KLHL31: variants seen among roughly 807,000 people sequenced by gnomAD.
KLHL31 encodes the protein kelch like family member 31.
In KLHL31, 32 loss-of-function variants were observed where a neutral mutation model predicts 47.1. The observed-to-expected ratio is 0.68, with a 90% CI of 0.51 to 0.91. The LOEUF is 0.91. KLHL31 is among the 40% of genes least tolerant of loss of function. KLHL31 has a pLI of 0.00. For missense variants in KLHL31, 797 were observed against 819.3 expected, an observed-to-expected ratio of 0.97 and a Z score of 0.33; for synonymous variants, 330 against 325.1, an observed-to-expected ratio of 1.01 and a Z score of -0.16.
intron 1 of KLHL31, 21 bp from the exon 2 acceptor site, chr6:53,655,326 A>AAAAAAAG (rs112169209): frequency 8.4e-7 from 1 of 1,190,276 alleles, no homozygotes. Context: ...AAAAAAAAAA[A>AAAAAAAG]CATGGTTTTG....
intron 1 of KLHL31, among the ~76,000 whole-genome samples, chr6:53,663,344 G>A (rs113166202): frequency 4.5e-4 from 69 of 152,286 alleles, no homozygotes; most frequent in African/African-American, 1.4e-3. Flanking sequence ...GAATAAAAGA[G>A]TTACCTTTTT....
At chr6:53,657,054 T>C (rs553592006) in intron 1 of KLHL31, among the ~76,000 whole-genome samples, 78 of 146,874 alleles carry the variant, frequency 5.3e-4, no homozygotes, top group Non-Finnish European at 9.3e-4. Flanking sequence ...CACCTCAGCC[T>C]CCTGAATAGC....
At chr6:53,657,610 T>TG (rs1762823557) in intron 1 of KLHL31, among the ~76,000 whole-genome samples, 1 of 138,722 alleles carries the variant, frequency 7.2e-6, no homozygotes, top group Non-Finnish European at 1.5e-5. Context: ...TGTTTTTGTT[T>TG]TGTGTGTGTG....
At chr6:53,663,109 T>C (rs1764670601) in intron 1 of KLHL31, among the ~76,000 whole-genome samples, 1 of 152,120 alleles carries the variant, frequency 6.6e-6, no homozygotes, top group South Asian at 2.1e-4. Flanking sequence ...CAATATCACA[T>C]AAGTAAGTGT....
chr6:53,664,430 A>G (rs1764690451), intron 1 of KLHL31, among the ~76,000 whole-genome samples: 1 of 152,238 alleles, frequency 6.6e-6, no homozygotes, highest in African/African-American at 2.4e-5. Context: ...CACTGGGCTC[A>G]GCGTTTTCAT....
At chr6:53,652,823 T>C (rs1764497004) in intron 2 of KLHL31, among the ~76,000 whole-genome samples, 1 of 152,196 alleles carries the variant, frequency 6.6e-6, no homozygotes, top group African/African-American at 2.4e-5. Context: ...ACGAATTGAC[T>C]GACTGGATTT....
intron 1 of KLHL31, among the ~76,000 whole-genome samples, chr6:53,662,221 T>A (rs79359022): frequency 6.6e-6 from 1 of 152,306 alleles, no homozygotes; most frequent in South Asian, 2.1e-4. Flanking sequence ...TTTTCCTAAA[T>A]GACAGCAGGC....
rs547744939 is a variant in KLHL31, at chr6:53,654,409, G to A, written c.864C>T (p.Leu288=). 32 of 1,614,186 alleles carry A rather than the reference G, an allele frequency of 2.0e-5. No homozygotes were observed. The highest frequency in any genetic ancestry group is 5.3e-5 in the African/African-American group (4 of 75,032). ...MMQDADCHRL[L]VDAMNYHLLP... is the part of the protein sequence containing the mutation. ...GCAAGTGGTAGTTCATAGCATCTACGAGAAGTCTGTGACAATCAGCATCTT... is the reference window on the plus strand; with the variant it reads ...GCAAGTGGTAGTTCATAGCATCTACAAGAAGTCTGTGACAATCAGCATCTT... Residue 288 remains leucine, a synonymous_variant, in exon 2 of 3, where the codon CTC becomes CTT. Coordinates refer to ENST00000370905, the MANE Select transcript of KLHL31 (RefSeq NM_001003760.5).
intron 2 of KLHL31, among the ~76,000 whole-genome samples, chr6:53,652,807 T>TC (rs1764496798): frequency 6.6e-6 from 1 of 152,198 alleles, no homozygotes; most frequent in African/African-American, 2.4e-5. Context: ...TGTCACAGTT[T>TC]AAGATACGAA....
Position 53,655,245 on chromosome 6 carries a change from T to C in KLHL31, c.28A>G (p.Lys10Glu), listed in dbSNP as rs1764542658. The stretch of plus-strand genomic sequence containing the variant: ...ATCTCATTGATATCTCCTTTGTTCT[T>C]TTTGACAATCTTCTTTTTGGGTGCC... Reference protein sequence around the residue: MAPKKKIVKKNKGDINEMTI... With the variant: MAPKKKIVKENKGDINEMTI... The change falls in exon 2 of 3, where the codon AAG becomes GAG. Residue 10 changes from lysine to glutamate, a missense_variant. Lys to Glu is a moderately conservative substitution (Grantham distance 56, BLOSUM62 1). Transcript: ENST00000370905. The C allele has an allele frequency of 6.3e-7, 1 of 1,577,272 alleles. No homozygotes were observed. Among genetic ancestry groups the C allele is most frequent in the Non-Finnish European group, 8.6e-7 (1 of 1,163,946 alleles).
At chr6:53,665,443 A>C (rs1193000166) in intron 1 of KLHL31, among the ~76,000 whole-genome samples, 158 bp downstream of exon 1, 1 of 152,170 alleles carries the variant, frequency 6.6e-6, no homozygotes, top group African/African-American at 2.4e-5. Flanking sequence ...TCCCAACTTC[A>C]GATTAGGGAC....
chr6:53,650,701 C>T lies in KLHL31; in HGVS notation c.*897G>A, dbSNP rs1241639445. 6.6e-6 allele frequency: 1 copy of T among 152,140 alleles called. No individual in the cohort carries two copies. Among genetic ancestry groups the T allele is most frequent in the East Asian group, 1.9e-4 (1 of 5,192 alleles). 9.4% of individuals were successfully genotyped at this position (152,140 alleles called of 1,614,324 possible). A position where few individuals can be genotyped will look rare whatever the true frequency, so the allele number is the denominator to read the frequency against. On this transcript the variant is annotated 3_prime_UTR_variant, in exon 3 of 3. Coordinates refer to ENST00000370905, the MANE Select transcript of KLHL31 (RefSeq NM_001003760.5). ...GATCTTCGCGGGGTGTACATTAGGGCCAAGGTTGCCTTTAACCAGGTTGGT... is the reference window on the plus strand; with the variant it reads ...GATCTTCGCGGGGTGTACATTAGGGTCAAGGTTGCCTTTAACCAGGTTGGT...
At chr6:53,655,826 C>T (rs986266829) in intron 1 of KLHL31, among the ~76,000 whole-genome samples, 2 of 151,926 alleles carry the variant, frequency 1.3e-5, no homozygotes, top group African/African-American at 2.4e-5. Context: ...AGACTGGTCT[C>T]GAACTCCTGG....
At position 53,654,509 on chromosome 6, in the gene KLHL31, A is replaced by T; in HGVS notation, c.764T>A (p.Leu255Ter). The change falls in exon 2 of 3, where the codon TTG becomes TAG. Residue 255 changes from leucine to a stop codon, truncating the protein, a stop_gained. Coordinates refer to ENST00000370905, the MANE Select transcript of KLHL31 (RefSeq NM_001003760.5). LOFTEE classifies it high-confidence loss of function. ...GATGGTACCAAAGCGAATATTGCTC[A>T]AAAGATCTGCAGCGTATTTTACTCT... Reference protein sequence around the residue: ...QKRVKYAADLLSNIRFGTISA... With the variant: ...QKRVKYAADL 1 of 1,614,220 alleles carries T rather than the reference A, an allele frequency of 6.2e-7. No homozygotes were observed. The highest frequency in any genetic ancestry group is 8.5e-7 in the Non-Finnish European group (1 of 1,180,040).
chr6:53,661,696 A>G (rs1046958051), intron 1 of KLHL31, among the ~76,000 whole-genome samples: 8 of 152,198 alleles, frequency 5.3e-5, no homozygotes, highest in Admixed American at 4.6e-4. Flanking sequence ...ATTAACATGT[A>G]GTCAGAGCAA....
intron 1 of KLHL31, among the ~76,000 whole-genome samples, chr6:53,662,065 T>C (rs112460412): frequency 0.053 from 8,079 of 152,066 alleles, 289 homozygotes; most frequent in East Asian, 0.092. Flanking sequence ...GTAGCCAGGG[T>C]CCAAGCTCAG....
chr6:53,652,351 GTAA>G, intron 2 of KLHL31, 21 bp from the exon 3 acceptor site: 2 of 1,612,282 alleles, frequency 1.2e-6, no homozygotes, highest in East Asian at 4.5e-5. Context: ...TAGAGAAGGT[GTAA>G]CAGCTTTGTC....
chr6:53,653,435 A>C (rs78824411), intron 2 of KLHL31, among the ~76,000 whole-genome samples: 51 of 152,356 alleles, frequency 3.3e-4, no homozygotes, highest in Non-Finnish European at 6.8e-4. Flanking sequence ...TTTTCTGAAC[A>C]TTTCATATGA....
intron 1 of KLHL31, among the ~76,000 whole-genome samples, chr6:53,662,161 T>C (rs1341767192): frequency 6.6e-6 from 1 of 152,146 alleles, no homozygotes; most frequent in Non-Finnish European, 1.5e-5. Context: ...CAGGCATGCA[T>C]CTTTGTTAAG....
Sources: gnomAD v4.1 joint callset for allele counts (sites outside exome capture counted in the v4.1 genomes callset) on GRCh38, gnomAD v4.1.1 for gene constraint, MANE v1.5 for transcripts, NCBI Gene and HGNC (gene_info 2026-07-23, HGNC 2026-07-21) for gene names.